UNC13B: variants seen among roughly 807,000 people sequenced by gnomAD.
UNC13B encodes the protein protein unc-13 homolog B.
In UNC13B, 144 loss-of-function variants were observed where a neutral mutation model predicts 211.0. That is an observed-to-expected ratio of 0.68 (90% confidence interval 0.60 to 0.78). UNC13B has a LOEUF of 0.78. Ranked by LOEUF, UNC13B falls within the 30% of genes least tolerant of loss-of-function variation. The pLI is 0.00. For missense variants in UNC13B, 1,777 were observed against 2,002.0 expected, an observed-to-expected ratio of 0.89 and a Z score of 2.14; for synonymous variants, 709 against 725.8, an observed-to-expected ratio of 0.98 and a Z score of 0.37.
rs1391499394 is a variant in UNC13B, at chr9:35,257,579, T to C, written c.469-1414T>C. Among the ~76,000 whole-genome samples, 4 of 16,070 alleles carry C rather than the reference T, an allele frequency of 2.5e-4. No homozygotes were observed. In the Admixed American group the frequency reaches 5.5e-3, roughly 22 times the overall value. 10.5% of individuals were successfully genotyped at this position (16,070 alleles called of 152,430 possible). On this transcript the variant is annotated intron_variant, in intron 6 of 39. Coordinates refer to ENST00000635942, the MANE Select transcript of UNC13B (RefSeq NM_001371189.2). ...CTGGGAGAAAGAGTGAGAATCTGTA[T>C]CAAAAAAAAAAAAAAAAAAAAAAAA...
chr9:35,277,484 C>G (rs929940639), intron 7 of UNC13B, among the ~76,000 whole-genome samples: 2 of 152,194 alleles, frequency 1.3e-5, no homozygotes, highest in Admixed American at 6.5e-5. Context: ...AACTGTCATA[C>G]TTTTCCTAAT....
At chr9:35,231,014 C>A in intron 2 of UNC13B, 106 bp from the exon 3 acceptor site, 3 of 699,604 alleles carry the variant, frequency 4.3e-6, no homozygotes, top group South Asian at 4.3e-5. Flanking sequence ...TTTTTTCCTG[C>A]ACATGTAATA....
At chr9:35,224,978 A>G (rs535176517) in intron 1 of UNC13B, among the ~76,000 whole-genome samples, 2 of 151,636 alleles carry the variant, frequency 1.3e-5, no homozygotes, top group African/African-American at 2.4e-5. Flanking sequence ...ATAAAATTCA[A>G]CATCCCTTCA....
At chr9:35,366,540 G>A (rs1833781533) in intron 11 of UNC13B, among the ~76,000 whole-genome samples, 1 of 152,148 alleles carries the variant, frequency 6.6e-6, no homozygotes, top group Non-Finnish European at 1.5e-5. Flanking sequence ...AGGGAGTTTA[G>A]GAATATAGCT....
At chr9:35,248,613 A>G (rs13289210) in intron 6 of UNC13B, among the ~76,000 whole-genome samples, 25,533 of 151,982 alleles carry the variant, frequency 0.17, 2,954 homozygotes, top group Non-Finnish European at 0.25. Flanking sequence ...TTCATTATGT[A>G]CCCAGTAGTC....
At chr9:35,364,402 A>G (rs1475184982) in intron 11 of UNC13B, 9 of 787,978 alleles carry the variant, frequency 1.1e-5, no homozygotes, top group East Asian at 5.6e-5. Flanking sequence ...GCTGGGCTCT[A>G]TGAACTGCCT....
chr9:35,249,333 T>C (rs894455288), intron 6 of UNC13B, among the ~76,000 whole-genome samples: 1 of 152,218 alleles, frequency 6.6e-6, no homozygotes, highest in Non-Finnish European at 1.5e-5. Flanking sequence ...TGTCTTTTAA[T>C]TGGAGCATTT....
At chr9:35,209,524 C>T (rs1461077707) in intron 1 of UNC13B, among the ~76,000 whole-genome samples, 3 of 151,906 alleles carry the variant, frequency 2.0e-5, no homozygotes, top group African/African-American at 2.4e-5. Flanking sequence ...GTTACAAGTG[C>T]GCACCACCAC....
At position 35,403,208 on chromosome 9, in the gene UNC13B, G is replaced by C; in HGVS notation, c.12526G>C (p.Val4176Leu). 3 of 1,614,146 alleles carry C rather than the reference G, an allele frequency of 1.9e-6. No homozygotes were observed. Among genetic ancestry groups the C allele is most frequent in the Admixed American group, 1.7e-5 (1 of 60,022 alleles). ...DDPVGEVSIQ[V>L]DLFTHPGTGE... ...TCCTGTGGGAGAAGTCTCTATTCAG[G>C]TGGACTTGTTTACACACCCTGGTAC... Residue 4176 changes from valine (V) to leucine (L), a missense_variant, in exon 38 of 40, where the codon GTG becomes CTG. Transcript: ENST00000635942.
chr9:35,332,041 G>A (rs1388918981), intron 11 of UNC13B, among the ~76,000 whole-genome samples: 2 of 151,698 alleles, frequency 1.3e-5, no homozygotes, highest in South Asian at 2.1e-4. Flanking sequence ...GAGTGCAATG[G>A]TGCGATCTCA....
chr9:35,377,662 A>G lies in UNC13B; in HGVS notation c.10030A>G (p.Thr3344Ala), dbSNP rs1834518772. ...KTVKQSVLDG[T>A]SKWSAKITIT... ...AGTGAAGCAGAGTGTACTGGATGGC[A>G]CCTCCAAATGGTCAGCCAAGATCAC... The change falls in exon 16 of 40, where the codon ACC becomes GCC. Residue 3344 changes from threonine to alanine, a missense_variant. Thr to Ala is a moderately conservative substitution (Grantham distance 58). Coordinates refer to ENST00000635942, the MANE Select transcript of UNC13B (RefSeq NM_001371189.2). 6.2e-7 allele frequency: 1 copy of G among 1,614,002 alleles called. No homozygotes were observed. Among genetic ancestry groups the G allele is most frequent in the African/African-American group, 1.3e-5 (1 of 74,934 alleles).
intron 3 of UNC13B, among the ~76,000 whole-genome samples, chr9:35,235,612 T>A (rs1183834573): frequency 2.6e-5 from 4 of 152,094 alleles, no homozygotes; most frequent in Admixed American, 2.6e-4. Context: ...CTAATTTTTG[T>A]ATTTTTAGTA....
intron 1 of UNC13B, among the ~76,000 whole-genome samples, chr9:35,212,234 G>A (rs984393447): frequency 2.0e-5 from 3 of 152,146 alleles, no homozygotes; most frequent in Admixed American, 2.0e-4. Context: ...GTCACAAAAA[G>A]TAAGAGAAAA....
chr9:35,352,288 CAG>C, intron 11 of UNC13B: 8 of 1,232,162 alleles, frequency 6.5e-6, no homozygotes, highest in Non-Finnish European at 8.1e-6. Context: ...TGCAGTGCAA[CAG>C]GTACATTAAA....
chr9:35,260,061 A>AAAC (rs1480794552), intron 7 of UNC13B, among the ~76,000 whole-genome samples: 2 of 150,018 alleles, frequency 1.3e-5, no homozygotes, highest in Non-Finnish European at 3.0e-5. Flanking sequence ...AAAAAAAAAA[A>AAAC]AAACCAAGTG....
At chr9:35,340,482 G>A (rs1443696396) in intron 11 of UNC13B, among the ~76,000 whole-genome samples, 1 of 152,118 alleles carries the variant, frequency 6.6e-6, no homozygotes, top group Admixed American at 6.5e-5. Context: ...TACCATAAAG[G>A]GCTGCCTGTT....
chr9:35,306,733 T>C lies in UNC13B; in HGVS notation c.7329T>C (p.Asp2443=), dbSNP rs1829942796. The C allele has an allele frequency of 2.5e-6, 1 of 398,894 alleles. No homozygotes were observed. The allele number at this position is 398,894 out of a possible 1,614,324, so 24.7% of individuals were successfully genotyped here. The change falls in exon 9 of 40, where the codon GAT becomes GAC. Residue 2443 remains aspartate (D), a synonymous_variant. Transcript: ENST00000635942. ...CAGNLQNQDA[D]KEEDKFALGS... ...GGAACCTTCAGAACCAAGATGCAGA[T>C]AAAGAGGAAGACAAATTTGCATTAG...
In UNC13B at chr9:35,325,577, T is replaced by C. The variant is rs551012659; in HGVS notation, c.9414+11588T>C. 3.3e-5 allele frequency among the ~76,000 whole-genome samples: 5 copies of C among 152,356 alleles called. No individual in the cohort carries two copies. The South Asian group carries it at 1.0e-3, about 32-fold the overall frequency. ...CTTTGTTTTTAGTAACAAATATTTT[T>C]AAATTCAGATATAATTAATATAACA... On this transcript the variant is annotated intron_variant, in intron 11 of 39. Coordinates refer to ENST00000635942, the MANE Select transcript of UNC13B (RefSeq NM_001371189.2).
intron 8 of UNC13B, among the ~76,000 whole-genome samples, chr9:35,296,711 C>T (rs559030297): frequency 2.0e-5 from 3 of 152,290 alleles, no homozygotes; most frequent in African/African-American, 4.8e-5. Context: ...ACCACATTTA[C>T]TTTATCTCAT....
Sources: allele counts gnomAD v4.1 joint callset (sites outside exome capture counted in the v4.1 genomes callset), GRCh38; gene constraint gnomAD v4.1.1; transcripts MANE v1.5; gene names NCBI Gene and HGNC (gene_info 2026-07-23, HGNC 2026-07-21).